Variants in PTPRD observed in about 807,000 individuals in gnomAD.
PTPRD encodes receptor-type tyrosine-protein phosphatase delta.
A neutral mutation model predicts 214.5 loss-of-function variants in PTPRD; 34 were observed. That is an observed-to-expected ratio of 0.16 (90% CI 0.12 to 0.21). The LOEUF is 0.21. PTPRD is among the 10% of genes least tolerant of loss of function. The pLI, the probability that PTPRD is intolerant of heterozygous loss-of-function variation, is 1.00. For synonymous variants in PTPRD, 1,128 were observed against 845.7 expected, an observed-to-expected ratio of 1.33 and a Z score of -5.79; for missense variants, 2,545 against 2,398.7, an observed-to-expected ratio of 1.06 and a Z score of -1.27.
At chr9:8,727,293 C>T (rs2098595517) in intron 12 of PTPRD, among the ~76,000 whole-genome samples, 1 of 152,188 alleles carries the variant, frequency 6.6e-6, no homozygotes, top group Non-Finnish European at 1.5e-5. Context: ...GTGACAGAGT[C>T]TTAATCTTAC....
intron 11 of PTPRD, among the ~76,000 whole-genome samples, chr9:8,916,943 C>T (rs2098790249): frequency 6.6e-6 from 1 of 152,082 alleles, no homozygotes; most frequent in African/African-American, 2.4e-5. Flanking sequence ...TGCACATAAA[C>T]CACAGGGTTC....
At chr9:8,325,719 T>G (rs1025611590) in intron 44 of PTPRD, among the ~76,000 whole-genome samples, 6 of 152,166 alleles carry the variant, frequency 3.9e-5, no homozygotes, top group Non-Finnish European at 8.8e-5. Context: ...TCCGTGAGCA[T>G]GGAATGTTCT....
intron 44 of PTPRD, among the ~76,000 whole-genome samples, chr9:8,324,420 G>A (rs920657313): frequency 6.6e-6 from 1 of 152,144 alleles, no homozygotes; most frequent in African/African-American, 2.4e-5. Flanking sequence ...TCCCTGCAAA[G>A]GACATGAACT....
At chr9:9,415,092 T>A (rs1036534120) in intron 8 of PTPRD, among the ~76,000 whole-genome samples, 1 of 152,210 alleles carries the variant, frequency 6.6e-6, no homozygotes, top group Non-Finnish European at 1.5e-5. Context: ...TGTAATTATG[T>A]AGTCAGTCTT....
At chr9:8,801,665 G>A (rs1239854954) in intron 11 of PTPRD, among the ~76,000 whole-genome samples, 1 of 152,182 alleles carries the variant, frequency 6.6e-6, no homozygotes, top group Non-Finnish European at 1.5e-5. Flanking sequence ...GCAGTGGGCA[G>A]AGATGGCCTC....
At chr9:10,110,224 T>G (rs928131790) in intron 3 of PTPRD, among the ~76,000 whole-genome samples, 4 of 152,154 alleles carry the variant, frequency 2.6e-5, no homozygotes, top group African/African-American at 9.7e-5. Flanking sequence ...TAAATCAAAT[T>G]ATGAAGTAGC....
At chr9:9,603,883 T>A (rs1466768463) in intron 7 of PTPRD, among the ~76,000 whole-genome samples, 1 of 152,004 alleles carries the variant, frequency 6.6e-6, no homozygotes, top group African/African-American at 2.4e-5. Context: ...GGGGTACAGG[T>A]GCAGGTTTTT....
chr9:8,469,458 A>G, intron 31 of PTPRD, among the ~76,000 whole-genome samples: 1 of 152,082 alleles, frequency 6.6e-6, no homozygotes, highest in East Asian at 1.9e-4. Context: ...ATTTCAACTT[A>G]AACAGGATGA....
chr9:10,286,784 A>G (rs2095370062), intron 3 of PTPRD, among the ~76,000 whole-genome samples: 1 of 152,042 alleles, frequency 6.6e-6, no homozygotes, highest in Admixed American at 6.5e-5. Flanking sequence ...TATTTTTACT[A>G]GAGACGGGGT....
intron 37 of PTPRD, among the ~76,000 whole-genome samples, 194 bp from the exon 38 acceptor site, chr9:8,376,920 T>C (rs1171316416): frequency 6.6e-6 from 1 of 152,136 alleles, no homozygotes; most frequent in Admixed American, 6.6e-5. Context: ...TTTTTCAAAC[T>C]GGTAGGAATA....
chr9:9,470,438 C>A (rs2094510775), intron 8 of PTPRD, among the ~76,000 whole-genome samples: 1 of 152,006 alleles, frequency 6.6e-6, no homozygotes, highest in South Asian at 2.1e-4. Context: ...TGTTATTTAG[C>A]AGAAACTTTG....
At chr9:9,596,239 G>T (rs1302238155) in intron 7 of PTPRD, among the ~76,000 whole-genome samples, 1 of 151,882 alleles carries the variant, frequency 6.6e-6, no homozygotes, top group South Asian at 2.1e-4. Context: ...CATCTTTAAT[G>T]AATATTTTGT....
intron 36 of PTPRD, among the ~76,000 whole-genome samples, chr9:8,397,388 A>G (rs2091439546): frequency 6.6e-6 from 1 of 152,174 alleles, no homozygotes; most frequent in Non-Finnish European, 1.5e-5. Flanking sequence ...TTCACATGGA[A>G]CATTTATATT....
chr9:8,827,885 G>A (rs1167287638), intron 11 of PTPRD, among the ~76,000 whole-genome samples: 1 of 152,148 alleles, frequency 6.6e-6, no homozygotes, highest in Non-Finnish European at 1.5e-5. Flanking sequence ...TCATGTGGAT[G>A]AGTATCTTCT....
At chr9:9,215,101 T>C (rs954015185) in intron 9 of PTPRD, among the ~76,000 whole-genome samples, 1 of 152,204 alleles carries the variant, frequency 6.6e-6, no homozygotes, top group African/African-American at 2.4e-5. Flanking sequence ...TGATGATTCA[T>C]TTGTGTGTTA....
chr9:8,570,029 G>A (rs1365301164), intron 14 of PTPRD, among the ~76,000 whole-genome samples: 2 of 152,090 alleles, frequency 1.3e-5, no homozygotes, highest in Non-Finnish European at 2.9e-5. Context: ...AATCACCATC[G>A]CATAAGTAGA....
chr9:9,196,012 T>G (rs1323012472), intron 9 of PTPRD, among the ~76,000 whole-genome samples: 3 of 152,128 alleles, frequency 2.0e-5, no homozygotes, highest in Non-Finnish European at 4.4e-5. Flanking sequence ...GCTGTACAGT[T>G]TGGAGGATAG....
chr9:8,485,575 T>A (rs1438361247), intron 28 of PTPRD, 187 bp downstream of exon 28: 2 of 650,454 alleles, frequency 3.1e-6, no homozygotes, highest in Non-Finnish European at 5.2e-6. Flanking sequence ...TCAGCCAGAC[T>A]TGCTTGACAT....
At chr9:8,475,491 G>T (rs2096744926) in intron 30 of PTPRD, among the ~76,000 whole-genome samples, 1 of 151,898 alleles carries the variant, frequency 6.6e-6, no homozygotes, top group Non-Finnish European at 1.5e-5. Flanking sequence ...TTCCACCTCA[G>T]GGCATCAGTT....
Sources: allele counts gnomAD v4.1 joint callset (sites outside exome capture counted in the v4.1 genomes callset), GRCh38; gene constraint gnomAD v4.1.1; transcripts MANE v1.5; gene names NCBI Gene and HGNC (gene_info 2026-07-23, HGNC 2026-07-21).